Variants in STAB2 observed in about 807,000 individuals in gnomAD.
The protein encoded by STAB2 is stabilin 2, also known as stabilin-2.
STAB2 carries 288 observed loss-of-function variants against 338.1 expected under a neutral mutation model. The ratio of observed to expected loss-of-function variants is 0.85; its 90% CI spans 0.77 to 0.94. STAB2 has a LOEUF of 0.94. Ranked by LOEUF, STAB2 falls within the 40% of genes least tolerant of loss-of-function variation. The probability of loss-of-function intolerance (pLI) is 0.00; values close to 1 mark genes in which losing one functional copy is unlikely to be tolerated. For missense variants in STAB2, 3,141 were observed against 3,210.1 expected, an observed-to-expected ratio of 0.98 and a Z score of 0.52; for synonymous variants, 1,202 against 1,193.3, an observed-to-expected ratio of 1.01 and a Z score of -0.15.
At chr12:103,640,495 A>G (rs1335758410) in intron 9 of STAB2, among the ~76,000 whole-genome samples, 1 of 152,176 alleles carries the variant, frequency 6.6e-6, no homozygotes, top group Non-Finnish European at 1.5e-5. Context: ...TTGTGGCCTG[A>G]TAACTTGATA....
At chr12:103,590,582 C>T (rs1370513464) in intron 1 of STAB2, among the ~76,000 whole-genome samples, 1 of 152,198 alleles carries the variant, frequency 6.6e-6, no homozygotes, top group Non-Finnish European at 1.5e-5. Flanking sequence ...AGGTTCCCCA[C>T]TTGGATAAAT....
Position 103,761,392 on chromosome 12 carries a change from A to AT in STAB2, c.7341_7342insT (p.Ala2448CysfsTer49). The AT allele has an allele frequency of 6.2e-7, 1 of 1,613,682 alleles. No individual in the cohort carries two copies. The highest frequency in any genetic ancestry group is 8.5e-7 in the Non-Finnish European group (1 of 1,179,954). On this transcript the variant is annotated frameshift_variant, in exon 66 of 69. Transcript: ENST00000388887. LOFTEE classifies it high-confidence loss of function. ...TTCATGTCATTTCCAGGCCTTTAAA[A>AT]GCACCCCCTGCCCCCGTGGTGAGTA...
chr12:103,739,527 CTGTGTGTGTGTGTG>C (rs35471201), intron 54 of STAB2, 59 bp downstream of exon 54: 84,730 of 673,176 alleles, frequency 0.13, 3,070 homozygotes, highest in East Asian at 0.19. Context: ...ATTATCAGAC[CTGTGTGTGTGTGTG>C]TGTGTGTGTG....
intron 26 of STAB2, among the ~76,000 whole-genome samples, chr12:103,684,324 G>C (rs1282906558): frequency 6.6e-6 from 1 of 152,158 alleles, no homozygotes; most frequent in African/African-American, 2.4e-5. Flanking sequence ...CAAGAAGTGG[G>C]GTTGTTATGA....
intron 36 of STAB2, 22 bp downstream of exon 36, chr12:103,704,636 A>G: frequency 6.2e-7 from 1 of 1,611,792 alleles, no homozygotes; most frequent in Non-Finnish European, 8.5e-7. Context: ...GTCTGTTTTG[A>G]TAAAATAGTT....
At chr12:103,733,229 G>T in intron 51 of STAB2, 47 bp downstream of exon 51, 2 of 1,593,014 alleles carry the variant, frequency 1.3e-6, no homozygotes, top group African/African-American at 1.3e-5. Flanking sequence ...TCCCAGGGTG[G>T]TGATAAAATT....
intron 65 of STAB2, among the ~76,000 whole-genome samples, chr12:103,760,128 G>A (rs868414900): frequency 2.0e-5 from 3 of 152,148 alleles, no homozygotes; most frequent in Non-Finnish European, 4.4e-5. Context: ...GAACAGAAGG[G>A]GCACTTTCTC....
intron 41 of STAB2, among the ~76,000 whole-genome samples, chr12:103,712,972 G>A (rs1215827973): frequency 2.0e-5 from 3 of 152,136 alleles, no homozygotes; most frequent in Admixed American, 1.3e-4. Context: ...GGTTAAGTGA[G>A]CTCTCTGTGT....
intron 44 of STAB2, among the ~76,000 whole-genome samples, chr12:103,719,049 G>A (rs974634423): frequency 1.3e-5 from 2 of 152,168 alleles, no homozygotes; most frequent in African/African-American, 2.4e-5. Context: ...TTATGCAAAC[G>A]AGGAGTTTAC....
At chr12:103,695,970 G>C in intron 33 of STAB2, 126 bp downstream of exon 33, 1 of 866,760 alleles carries the variant, frequency 1.2e-6, no homozygotes, top group Non-Finnish European at 1.8e-6. Flanking sequence ...ACTTGACGTA[G>C]ACTGGTGCAG....
chr12:103,640,292 G>C, intron 9 of STAB2, 36 bp downstream of exon 9: 3 of 1,593,462 alleles, frequency 1.9e-6, no homozygotes, highest in South Asian at 2.2e-5. Context: ...ACATTTCCAA[G>C]TGGTGAAAAT....
At chr12:103,710,100 G>A (rs1015195823) in intron 39 of STAB2, among the ~76,000 whole-genome samples, 8 of 151,944 alleles carry the variant, frequency 5.3e-5, no homozygotes, top group South Asian at 2.1e-4. Context: ...CCTCCACTCC[G>A]TACTCCCCAC....
intron 5 of STAB2, among the ~76,000 whole-genome samples, chr12:103,626,799 T>A (rs207473334): frequency 2.6e-5 from 4 of 152,198 alleles, no homozygotes; most frequent in Admixed American, 6.5e-5. Context: ...GGCTGTAATC[T>A]TCTGTGGGGG....
intron 54 of STAB2, among the ~76,000 whole-genome samples, chr12:103,739,818 T>C (rs1015618385): frequency 6.6e-6 from 1 of 152,196 alleles, no homozygotes; most frequent in Admixed American, 6.5e-5. Context: ...TACTCATTAC[T>C]CTATCCCTCT....
chr12:103,673,378 ACT>A (rs984689742), intron 22 of STAB2, among the ~76,000 whole-genome samples: 1 of 151,250 alleles, frequency 6.6e-6, no homozygotes, highest in African/African-American at 2.4e-5. Flanking sequence ...ACAGGGTCTC[ACT>A]CTGTTGACCA....
chr12:103,594,554 T>A, intron 3 of STAB2, 44 bp downstream of exon 3: 1 of 1,439,980 alleles, frequency 6.9e-7, no homozygotes, highest in Non-Finnish European at 9.8e-7. Flanking sequence ...CTTCTTGGTA[T>A]CTCATTTGGT....
At chr12:103,685,720 G>A (rs1391319598) in intron 27 of STAB2, among the ~76,000 whole-genome samples, 1 of 152,104 alleles carries the variant, frequency 6.6e-6, no homozygotes, top group African/African-American at 2.4e-5. Context: ...CACCAGTGTA[G>A]AACATTCTAT....
chr12:103,753,567 C>T (rs1262981216), intron 61 of STAB2, among the ~76,000 whole-genome samples: 1 of 152,146 alleles, frequency 6.6e-6, no homozygotes, highest in Non-Finnish European at 1.5e-5. Context: ...ATTGTTCATC[C>T]TTACAACATC....
chr12:103,643,959 C>A (rs1404048883), intron 9 of STAB2, among the ~76,000 whole-genome samples: 1 of 55,602 alleles, frequency 1.8e-5, no homozygotes, highest in African/African-American at 8.4e-5. Context: ...AGGTGAGGGG[C>A]GCCTCTGCCT....
Sources: gnomAD v4.1 joint callset for allele counts (sites outside exome capture counted in the v4.1 genomes callset) on GRCh38, gnomAD v4.1.1 for gene constraint, MANE v1.5 for transcripts, NCBI Gene and HGNC (gene_info 2026-07-23, HGNC 2026-07-21) for gene names.